Variants in IL1R1 observed in about 807,000 individuals in gnomAD.
The protein encoded by IL1R1 is interleukin-1 receptor type 1.
In IL1R1, 22 loss-of-function variants were observed where a neutral mutation model predicts 50.2. The ratio of observed to expected loss-of-function variants is 0.44; its 90% CI spans 0.31 to 0.63. The LOEUF is 0.63. Among genes scored for constraint, IL1R1 ranks in the 20% least tolerant of loss-of-function variants. The pLI, the probability that IL1R1 is intolerant of heterozygous loss-of-function variation, is 0.07. For missense variants in IL1R1, 509 were observed against 676.2 expected (o/e 0.75, Z 2.74); for synonymous variants, 251 against 236.7 (o/e 1.06, Z -0.55).
rs1577931042 is a variant in IL1R1 at position 102,137,642 on chromosome 2, A to G, written c.-83-16299A>G. Among the ~76,000 whole-genome samples, 3 of 152,320 alleles carry G rather than the reference A, an allele frequency of 2.0e-5. No homozygotes were observed. In the East Asian group the frequency reaches 5.8e-4, roughly 29 times the overall value. ...GGAAGAACCTGAAAGGCTTTTTATG[A>G]TTGAGCTCAGAAATCCCAGAAAGTC... On this transcript the variant is annotated intron_variant, in intron 1 of 10. Coordinates refer to the IL1R1 transcript ENST00000409329.
At chr2:102,131,738 T>C (rs982278306) in intron 1 of IL1R1, among the ~76,000 whole-genome samples, 3 of 151,400 alleles carry the variant, frequency 2.0e-5, no homozygotes, top group African/African-American at 7.3e-5. Context: ...AATACACATG[T>C]AATTGGAGTC....
At chr2:102,174,792 G>C in intron 10 of IL1R1, 62 bp downstream of exon 10, 2 of 1,402,186 alleles carry the variant, frequency 1.4e-6, no homozygotes, top group Middle Eastern at 1.9e-4. Flanking sequence ...AGGAGATGTA[G>C]AAGATGACTA....
At chr2:102,137,219 C>A (rs1682396213) in intron 1 of IL1R1, among the ~76,000 whole-genome samples, 1 of 152,100 alleles carries the variant, frequency 6.6e-6, no homozygotes, top group Admixed American at 6.5e-5. Flanking sequence ...CAAGATAAGC[C>A]ATGGAGAACT....
In IL1R1 at chr2:102,175,553, A is replaced by G; in HGVS notation, c.1211A>G (p.Asp404Gly). The G allele has an allele frequency of 6.2e-7, 1 of 1,613,660 alleles. No individual in the cohort carries two copies. Among genetic ancestry groups the G allele is most frequent in the Non-Finnish European group, 8.5e-7 (1 of 1,179,592 alleles). The change falls in exon 11 of 12, where the codon GAT (aspartate) becomes GGT (glycine). Residue 404 changes from aspartate to glycine, a missense_variant. Transcript: ENST00000410023. ...GGGGAAGGGTCTACCTCTGACTGTG[A>G]TATTTTTGTGTTTAAAGTCTTGCCT... is the stretch of plus-strand genomic sequence containing the variant. ...TVGEGSTSDC[D>G]IFVFKVLPEV...
intron 1 of IL1R1, among the ~76,000 whole-genome samples, chr2:102,110,765 G>C (rs139563044): frequency 1.3e-3 from 195 of 152,132 alleles, no homozygotes; most frequent in East Asian, 4.8e-3. Flanking sequence ...AGGCCTTGCT[G>C]TGTGTCCAGT....
chr2:102,178,986 C>T lies in IL1R1; in HGVS notation c.*2227C>T, dbSNP rs2104671416. ...TTGAGTTTAAGTCTCTGACTCTTGC[C>T]TTTCCACCTGCTTTCTCCTGGGCCC... On this transcript the variant is annotated 3_prime_UTR_variant, in exon 12 of 12. Coordinates refer to ENST00000410023, the MANE Select transcript of IL1R1 (RefSeq NM_000877.4). 1 of 152,358 alleles carries T rather than the reference C, an allele frequency of 6.6e-6. No homozygotes were observed. The highest frequency in any genetic ancestry group is 1.5e-5 in the Non-Finnish European group (1 of 68,030). The allele number at this position is 152,358 out of a possible 1,614,324, so 9.4% of individuals were successfully genotyped here.
intron 7 of IL1R1, 112 bp downstream of exon 7, chr2:102,168,775 T>TC: frequency 1.3e-6 from 1 of 741,516 alleles, no homozygotes; most frequent in Admixed American, 2.8e-5. Flanking sequence ...ACTGTATAAA[T>TC]CTATCAATGG....
At chr2:102,106,464 C>T (rs1273137600) in intron 1 of IL1R1, among the ~76,000 whole-genome samples, 3 of 152,126 alleles carry the variant, frequency 2.0e-5, no homozygotes, top group Admixed American at 6.5e-5. Flanking sequence ...TGACAAACCC[C>T]GTTGAGCACA....
intron 1 of IL1R1, among the ~76,000 whole-genome samples, chr2:102,127,995 A>T (rs541458269): frequency 1.3e-5 from 2 of 152,102 alleles, no homozygotes; most frequent in Non-Finnish European, 2.9e-5. Context: ...GAGTGTTTAG[A>T]TTTCAATTCT....
At position 102,175,503 on chromosome 2, in the gene IL1R1, A is replaced by G. The variant is rs765876539; in HGVS notation, c.1161A>G (p.Ala387=). 1.9e-6 allele frequency: 3 copies of G among 1,613,728 alleles called. No individual in the cohort carries two copies. Among genetic ancestry groups the G allele is most frequent in the East Asian group, 2.2e-5 (1 of 44,848 alleles). Residue 387 remains alanine, a synonymous_variant, in exon 11 of 12, where the codon GCA becomes GCG. Transcript: ENST00000410023. ...CTTCAGATGGAAAGACCTATGACGC[A>G]TATATACTGTATCCAAAGACTGTTG... The part of the protein sequence containing the change: ...IKASDGKTYD[A]YILYPKTVGE...
chr2:102,174,860 G>C (rs1422438886), intron 10 of IL1R1, 130 bp downstream of exon 10: 1 of 642,684 alleles, frequency 1.6e-6, no homozygotes, highest in Non-Finnish European at 2.6e-6. Flanking sequence ...AAGAATACTA[G>C]TTATTCTTAC....
intron 4 of IL1R1, 23 bp downstream of exon 4, chr2:102,165,031 A>G (rs1413055604): frequency 1.9e-6 from 3 of 1,595,282 alleles, no homozygotes; most frequent in East Asian, 2.2e-5. Context: ...TTAGTATGTT[A>G]CAAACATGTT....
At chr2:102,078,527 A>G (rs1355782398) in intron 1 of IL1R1, among the ~76,000 whole-genome samples, 1 of 151,392 alleles carries the variant, frequency 6.6e-6, no homozygotes, top group Non-Finnish European at 1.5e-5. Context: ...TGGGACTATA[A>G]TAAATAAAGA....
At chr2:102,175,257 C>T (rs915064311) in intron 10 of IL1R1, among the ~76,000 whole-genome samples, 1 of 152,144 alleles carries the variant, frequency 6.6e-6, no homozygotes, top group Admixed American at 6.5e-5. Flanking sequence ...GAGGCAGCCT[C>T]CAAATAGAAG....
chr2:102,146,068 C>G (rs530302422), intron 1 of IL1R1, among the ~76,000 whole-genome samples: 1 of 152,142 alleles, frequency 6.6e-6, no homozygotes, highest in East Asian at 1.9e-4. Flanking sequence ...TTTCGGTGGT[C>G]TCTTGAAATG....
chr2:102,083,168 C>T (rs906508789), intron 1 of IL1R1, among the ~76,000 whole-genome samples: 11 of 152,144 alleles, frequency 7.2e-5, no homozygotes, highest in African/African-American at 2.4e-4. Context: ...ACTCTAAACT[C>T]TAAGAAGGTC....
intron 1 of IL1R1, among the ~76,000 whole-genome samples, chr2:102,094,980 T>C (rs1679836909): frequency 6.6e-6 from 1 of 151,856 alleles, no homozygotes; most frequent in African/African-American, 2.4e-5. Flanking sequence ...GTGAGAAAAA[T>C]TTTAGGATGG....
chr2:102,077,813 T>G lies in IL1R1; in HGVS notation c.-84+7280T>G, dbSNP rs537026300. Among the ~76,000 whole-genome samples, 45 of 152,306 alleles carry G rather than the reference T, an allele frequency of 3.0e-4. 1 individual carries two copies. The South Asian group carries it at 6.2e-3, about 21-fold the overall frequency. ...GGACTATTTTCCAGGGTTGACCATATGTGAAGACATAAAACAATGCTTAGT... is the reference window on the plus strand; with the variant it reads ...GGACTATTTTCCAGGGTTGACCATAGGTGAAGACATAAAACAATGCTTAGT... On this transcript the variant is annotated intron_variant, in intron 1 of 11. Coordinates refer to the IL1R1 transcript ENST00000409929.
intron 10 of IL1R1, 25 bp downstream of exon 10, chr2:102,174,755 A>G: frequency 1.9e-6 from 3 of 1,583,854 alleles, no homozygotes; most frequent in Non-Finnish European, 2.6e-6. Flanking sequence ...TCCATGCAGT[A>G]TTTCTTGTTG....
Sources: gnomAD v4.1 joint callset for allele counts (sites outside exome capture counted in the v4.1 genomes callset) on GRCh38, gnomAD v4.1.1 for gene constraint, MANE v1.5 for transcripts, NCBI Gene and HGNC (gene_info 2026-07-23, HGNC 2026-07-21) for gene names.